SLC25A15: variants seen among roughly 807,000 people sequenced by gnomAD.
SLC25A15 encodes the protein solute carrier family 25 member 15, also known as mitochondrial ornithine transporter 1.
SLC25A15 carries 24 observed loss-of-function variants against 32.3 expected under a neutral mutation model. That is an observed-to-expected ratio of 0.74 (90% CI 0.54 to 1.04). The LOEUF (loss-of-function observed/expected upper bound fraction) is 1.04. Ranked by LOEUF, SLC25A15 falls within the 50% of genes least tolerant of loss-of-function variation. The probability of loss-of-function intolerance (pLI) is 0.00; values close to 1 mark genes in which losing one functional copy is unlikely to be tolerated. For missense variants in SLC25A15, 317 were observed against 374.5 expected, an observed-to-expected ratio of 0.85 and a Z score of 1.27; for synonymous variants, 132 against 142.1, an observed-to-expected ratio of 0.93 and a Z score of 0.51.
chr13:40,795,598 C>G (rs909093263), intron 2 of SLC25A15, among the ~76,000 whole-genome samples: 1 of 152,052 alleles, frequency 6.6e-6, no homozygotes, highest in African/African-American at 2.4e-5. Context: ...GGTAGAGATG[C>G]TGTGGGTAGT....
At chr13:40,800,895 T>C (rs1881858065) in intron 3 of SLC25A15, among the ~76,000 whole-genome samples, 1 of 152,246 alleles carries the variant, frequency 6.6e-6, no homozygotes, top group African/African-American at 2.4e-5. Context: ...AGAATCACTC[T>C]GGGTACATTT....
At position 40,810,445 on chromosome 13, in the gene SLC25A15, G is replaced by A. The variant is rs1393900318; in HGVS notation, c.*778G>A. ...CCCAAAGTGCTGGGATTACTGGTGT[G>A]AGCCACCATGCCCAGCCAGTGGTTG... On this transcript the variant is annotated 3_prime_UTR_variant, in exon 7 of 7. Transcript: ENST00000338625. Among the ~76,000 whole-genome samples, 1 of 152,208 alleles carries A rather than the reference G, an allele frequency of 6.6e-6. No individual in the cohort carries two copies. The highest frequency in any genetic ancestry group is 2.4e-5 in the African/African-American group (1 of 41,456).
At position 40,805,304 on chromosome 13, in the gene SLC25A15, T is replaced by C; in HGVS notation, c.452+49T>C. 1.9e-6 allele frequency: 3 copies of C among 1,608,546 alleles called. No individual in the cohort carries two copies. In the South Asian group the frequency reaches 3.3e-5, roughly 18 times the overall value. ...GTCAGGTCTCTATTGCCCTAGTGTA[T>C]TGGATGATTTTTCATTTTACATTGT... On this transcript the variant is annotated intron_variant, in intron 4 of 6. Coordinates refer to ENST00000338625, the MANE Select transcript of SLC25A15 (RefSeq NM_014252.4).
In SLC25A15 at chr13:40,805,414, A is replaced by G. The variant is rs7318125; in HGVS notation, c.452+159A>G. ...TTTCCCCTATCAGAGATTTTCTGAA[A>G]GGATTGGCTGTGATGGGACCCACCA... is the stretch of plus-strand genomic sequence containing the variant. On this transcript the variant is annotated intron_variant, in intron 4 of 6. Coordinates refer to ENST00000338625, the MANE Select transcript of SLC25A15 (RefSeq NM_014252.4). 0.19 allele frequency among the ~76,000 whole-genome samples: 28,288 copies of G among 152,194 alleles called. 4,060 individuals carry two copies. The highest frequency in any genetic ancestry group is 0.4 in the African/African-American group (16,694 of 41,486).
chr13:40,805,355 A>G, intron 4 of SLC25A15, 100 bp downstream of exon 4: 1 of 1,314,238 alleles, frequency 7.6e-7, no homozygotes, highest in Non-Finnish European at 1.1e-6. Context: ...GTGGAAGCCA[A>G]TTTATCTACT....
chr13:40,804,410 T>G (rs1882055840), intron 3 of SLC25A15, among the ~76,000 whole-genome samples: 1 of 152,222 alleles, frequency 6.6e-6, no homozygotes, highest in Non-Finnish European at 1.5e-5. Flanking sequence ...TGCCACTTAG[T>G]AGCTGTGTGA....
intron 6 of SLC25A15, 79 bp downstream of exon 6, chr13:40,808,675 T>C: frequency 7.9e-7 from 1 of 1,268,252 alleles, no homozygotes; most frequent in Non-Finnish European, 1.1e-6. Flanking sequence ...GGCTCATGCC[T>C]GTGATCCCAG....
intron 2 of SLC25A15, among the ~76,000 whole-genome samples, chr13:40,794,007 C>T (rs895880543): frequency 4.0e-4 from 61 of 152,314 alleles, no homozygotes; most frequent in African/African-American, 1.4e-3. Context: ...CACTTACTGT[C>T]CCTGCTAGTG....
In SLC25A15 at chr13:40,805,127, G is replaced by A. The variant is rs756644906; in HGVS notation, c.324G>A (p.Gln108=). 18 of 1,614,010 alleles carry A rather than the reference G, an allele frequency of 1.1e-5. No homozygotes were observed. In the African/African-American group the frequency reaches 1.5e-4, roughly 13 times the overall value. ...GCTTGTGTGCTTTCAGTGATCTGCAGAATGCAGCCGCCGGTTCCTTCGCCT... is the reference window on the plus strand; with the variant it reads ...GCTTGTGTGCTTTCAGTGATCTGCAAAATGCAGCCGCCGGTTCCTTCGCCT... ...LDKQAKLSDL[Q]NAAAGSFASA... Residue 108 remains glutamine, a synonymous_variant, in exon 4 of 7, where the codon CAG becomes CAA. Coordinates refer to ENST00000338625, the MANE Select transcript of SLC25A15 (RefSeq NM_014252.4).
At chr13:40,797,188 A>G (rs1881694890) in intron 2 of SLC25A15, among the ~76,000 whole-genome samples, 1 of 152,234 alleles carries the variant, frequency 6.6e-6, no homozygotes, top group South Asian at 2.1e-4. Context: ...AGAGGACGGG[A>G]GACAGTTGTT....
chr13:40,806,853 G>A (rs113581841), intron 4 of SLC25A15, among the ~76,000 whole-genome samples: 1,645 of 152,278 alleles, frequency 0.011, 36 homozygotes, highest in African/African-American at 0.036. Flanking sequence ...AAATTCTCCC[G>A]CATCCCTGGT....
intron 1 of SLC25A15, among the ~76,000 whole-genome samples, 154 bp downstream of exon 1, chr13:40,789,817 G>C (rs1018277748): frequency 1.3e-5 from 2 of 152,046 alleles, no homozygotes; most frequent in African/African-American, 4.8e-5. Context: ...CGTGCCGCGG[G>C]ACTCGGAGAA....
intron 6 of SLC25A15, 46 bp from the exon 7 acceptor site, chr13:40,809,497 C>T (rs754257588): frequency 3.7e-6 from 6 of 1,611,566 alleles, no homozygotes; most frequent in Non-Finnish European, 5.1e-6. Context: ...TGGGTATCCC[C>T]AAAGGAGGGA....
Position 40,810,250 on chromosome 13 carries a change from C to A in SLC25A15, c.*583C>A. ...CTCGGCTCACTGCAACCTCCGCCTC[C>A]TGGGTTCAAGCGATTCTCTCACCTC... On this transcript the variant is annotated 3_prime_UTR_variant, in exon 7 of 7. Coordinates refer to ENST00000338625, the MANE Select transcript of SLC25A15 (RefSeq NM_014252.4). 1 of 172,680 alleles carries A rather than the reference C, an allele frequency of 5.8e-6. No individual in the cohort carries two copies. The highest frequency in any genetic ancestry group is 1.3e-5 in the Non-Finnish European group (1 of 79,968). 10.7% of individuals were successfully genotyped at this position (172,680 alleles called of 1,614,324 possible).
chr13:40,802,096 C>A, intron 3 of SLC25A15: 1 of 152,226 alleles, frequency 6.6e-6, no homozygotes, highest in East Asian at 1.9e-4. Context: ...CTTGGCAGAT[C>A]CTGGTTAATG....
In SLC25A15 at chr13:40,808,431, T is replaced by G. The variant is rs780356129; in HGVS notation, c.623-7T>G. On this transcript the variant is annotated splice_polypyrimidine_tract_variant and splice_region_variant and intron_variant, in intron 5 of 6. Transcript: ENST00000338625. The stretch of plus-strand genomic sequence containing the variant: ...AAAATACCATTTGCTATTTTTTTTT[T>G]CTCTAGGCCCTGTACCTTTGATGTT... 1 of 1,612,726 alleles carries G rather than the reference T, an allele frequency of 6.2e-7. No individual in the cohort carries two copies. Among genetic ancestry groups the G allele is most frequent in the Non-Finnish European group, 8.5e-7 (1 of 1,179,782 alleles).
chr13:40,812,161 G>GCCCT lies in SLC25A15; in HGVS notation c.*2497_*2498insTCCC, dbSNP rs536717655. ...TCCACAGGAAGTAAACTGCTTCAGA[G>GCCCT]CCCACAGTCCCCTGCTCAGTGTCCG... On this transcript the variant is annotated 3_prime_UTR_variant, in exon 7 of 7. Transcript: ENST00000338625. 1.4e-4 allele frequency among the ~76,000 whole-genome samples: 21 copies of GCCCT among 152,292 alleles called. No homozygotes were observed. The highest frequency in any genetic ancestry group is 4.8e-4 in the African/African-American group (20 of 41,542).
intron 2 of SLC25A15, among the ~76,000 whole-genome samples, chr13:40,795,760 T>A (rs539531408): frequency 6.6e-5 from 10 of 152,120 alleles, no homozygotes; most frequent in Non-Finnish European, 1.0e-4. Context: ...GGAATGCAAA[T>A]GGAACCCACT....
intron 4 of SLC25A15, among the ~76,000 whole-genome samples, chr13:40,806,365 A>G (rs546892007): frequency 1.3e-5 from 2 of 152,268 alleles, no homozygotes; most frequent in Admixed American, 1.3e-4. Flanking sequence ...TAATAGTTAT[A>G]TCCAAAGGAC....
Sources: gnomAD v4.1 joint callset for allele counts (sites outside exome capture counted in the v4.1 genomes callset) on GRCh38, gnomAD v4.1.1 for gene constraint, MANE v1.5 for transcripts, NCBI Gene and HGNC (gene_info 2026-07-23, HGNC 2026-07-21) for gene names.